The following NRXN3 variants were observed in gnomAD, a reference collection of about 807,000 sequenced individuals.
The protein encoded by NRXN3 is neurexin III.
Under a neutral mutation model 137.6 loss-of-function variants are expected in NRXN3, and 32 were observed. That is an observed-to-expected ratio of 0.23 (90% confidence interval 0.18 to 0.31). The LOEUF (loss-of-function observed/expected upper bound fraction) is 0.31. NRXN3 is among the 10% of genes least tolerant of loss of function. NRXN3 has a pLI of 1.00. For missense variants in NRXN3, 1,574 were observed against 2,062.5 expected (o/e 0.76, Z 4.59); for synonymous variants, 798 against 784.5 (o/e 1.02, Z -0.29).
intron 15 of NRXN3, among the ~76,000 whole-genome samples, chr14:79,363,206 G>T (rs2093750082): frequency 6.6e-6 from 1 of 152,092 alleles, no homozygotes; most frequent in South Asian, 2.1e-4. Context: ...CGCCATGTTG[G>T]CCAGGCTGGT....
intron 15 of NRXN3, among the ~76,000 whole-genome samples, chr14:79,108,515 G>C (rs754427412): frequency 7.9e-5 from 12 of 152,126 alleles, no homozygotes; most frequent in Non-Finnish European, 1.6e-4. Context: ...TTATGTAATA[G>C]CTATGAAGGG....
chr14:79,837,064 C>G (rs4486813), intron 20 of NRXN3, among the ~76,000 whole-genome samples: 1 of 151,866 alleles, frequency 6.6e-6, no homozygotes, highest in South Asian at 2.1e-4. Context: ...AAATTATCAC[C>G]GCTTTCTAAG....
intron 4 of NRXN3, among the ~76,000 whole-genome samples, chr14:78,439,195 C>T (rs1198768947): frequency 6.6e-6 from 1 of 151,928 alleles, no homozygotes; most frequent in Non-Finnish European, 1.5e-5. Context: ...TGGATCAAAA[C>T]CCCAGAGGAG....
chr14:78,803,594 C>A, intron 8 of NRXN3, 26 bp from the exon 9 acceptor site: 1 of 1,608,966 alleles, frequency 6.2e-7, no homozygotes, highest in Non-Finnish European at 8.5e-7. Context: ...GTCATCCTAA[C>A]GATCTTCTCC....
chr14:79,300,190 A>G (rs916769178), intron 15 of NRXN3, among the ~76,000 whole-genome samples: 4 of 152,034 alleles, frequency 2.6e-5, no homozygotes, highest in Non-Finnish European at 5.9e-5. Flanking sequence ...ATGTTAAGTA[A>G]TCTGCTCTAG....
chr14:78,180,567 ATGG>A (rs1208912485), intron 1 of NRXN3, among the ~76,000 whole-genome samples: 5 of 152,180 alleles, frequency 3.3e-5, no homozygotes, highest in Admixed American at 3.3e-4. Context: ...GAGTTGGTAA[ATGG>A]TGGAGCTGGA....
intron 10 of NRXN3, among the ~76,000 whole-genome samples, chr14:78,890,530 A>G (rs998095296): frequency 6.6e-6 from 1 of 151,852 alleles, no homozygotes; most frequent in Non-Finnish European, 1.5e-5. Flanking sequence ...GAGGAAATAT[A>G]TCTTCCTGCC....
chr14:78,577,612 T>G (rs1351837190), intron 4 of NRXN3, among the ~76,000 whole-genome samples: 1 of 152,102 alleles, frequency 6.6e-6, no homozygotes, highest in African/African-American at 2.4e-5. Flanking sequence ...ATTACAGGCT[T>G]GTAGTACCAC....
At chr14:79,505,131 C>T (rs1447748731) in intron 16 of NRXN3, among the ~76,000 whole-genome samples, 1 of 150,598 alleles carries the variant, frequency 6.6e-6, no homozygotes, top group Non-Finnish European at 1.5e-5. Context: ...AGGAGAATCG[C>T]TTGAACTTAG....
chr14:78,971,523 C>T (rs181364934), intron 14 of NRXN3, among the ~76,000 whole-genome samples: 4 of 152,178 alleles, frequency 2.6e-5, no homozygotes, highest in Non-Finnish European at 5.9e-5. Context: ...GACAATGACA[C>T]TTTAAGATCC....
At chr14:79,267,801 A>T (rs546120691) in intron 15 of NRXN3, among the ~76,000 whole-genome samples, 1 of 152,274 alleles carries the variant, frequency 6.6e-6, no homozygotes, top group Admixed American at 6.5e-5. Flanking sequence ...GATCACAACT[A>T]TTGGGAGTAT....
At chr14:78,904,837 G>T (rs890679824) in intron 10 of NRXN3, among the ~76,000 whole-genome samples, 1 of 150,720 alleles carries the variant, frequency 6.6e-6, no homozygotes, top group Non-Finnish European at 1.5e-5. Context: ...GAATATGAAT[G>T]ACCTTTCCCT....
intron 16 of NRXN3, among the ~76,000 whole-genome samples, chr14:79,624,593 G>C (rs1054580146): frequency 2.0e-5 from 3 of 151,978 alleles, no homozygotes; most frequent in Non-Finnish European, 4.4e-5. Context: ...AGTAACTATA[G>C]TTATCATGCT....
At chr14:79,805,042 C>T (rs2099198617) in intron 19 of NRXN3, 70 bp from the exon 20 acceptor site, 1 of 1,057,940 alleles carries the variant, frequency 9.5e-7, no homozygotes, top group Non-Finnish European at 1.4e-6. Flanking sequence ...TGTCTTTGTT[C>T]ATTAGTTTCC....
chr14:78,320,937 G>T (rs1453630420), intron 4 of NRXN3, among the ~76,000 whole-genome samples: 1 of 151,976 alleles, frequency 6.6e-6, no homozygotes. Context: ...CCAACATGGT[G>T]AAACCCCGTC....
intron 1 of NRXN3, among the ~76,000 whole-genome samples, chr14:78,174,314 ACT>A (rs2059054143): frequency 6.6e-6 from 1 of 151,950 alleles, no homozygotes; most frequent in South Asian, 2.1e-4. Flanking sequence ...ACATGTGTAC[ACT>A]CTCTCACACA....
rs527251382 is a variant in NRXN3 at position 79,401,493 on chromosome 14, G to T, written c.3263-65728G>T. Among the ~76,000 whole-genome samples, 17 of 152,280 alleles carry T rather than the reference G, an allele frequency of 1.1e-4. No homozygotes were observed. In the South Asian group the frequency reaches 3.5e-3, roughly 32 times the overall value. On this transcript the variant is annotated intron_variant, in intron 15 of 20. Coordinates refer to ENST00000335750, the MANE Select transcript of NRXN3 (RefSeq NM_001330195.2). ...AACAAGCCTTCTGGTTGATTCTGAT[G>T]TGCATTGTCCTAGGAGAACCACTGA...
chr14:78,950,827 G>T (rs1356584675), intron 10 of NRXN3, among the ~76,000 whole-genome samples: 1 of 152,164 alleles, frequency 6.6e-6, no homozygotes, highest in African/African-American at 2.4e-5. Context: ...GCAGGAAGCT[G>T]CCGGGAGCTG....
intron 4 of NRXN3, among the ~76,000 whole-genome samples, chr14:78,623,820 G>A (rs564075458): frequency 8.2e-4 from 125 of 152,214 alleles, no homozygotes; most frequent in African/African-American, 2.7e-3. Context: ...CGCCCACCTT[G>A]GCCTCCCAAA....
Sources: allele counts gnomAD v4.1 joint callset (sites outside exome capture counted in the v4.1 genomes callset), GRCh38; gene constraint gnomAD v4.1.1; transcripts MANE v1.5; gene names NCBI Gene and HGNC (gene_info 2026-07-23, HGNC 2026-07-21).